Variants in TMPRSS15 observed in about 807,000 individuals in gnomAD.
TMPRSS15 encodes enteropeptidase.
TMPRSS15 carries 128 observed loss-of-function variants against 125.3 expected under a neutral mutation model. The ratio of observed to expected loss-of-function variants is 1.02; its 90% CI spans 0.89 to 1.18. TMPRSS15 has a LOEUF of 1.18. TMPRSS15 is among the 50% of genes most tolerant of loss of function. TMPRSS15 has a pLI of 0.00. For synonymous variants in TMPRSS15, 446 were observed against 423.2 expected (o/e 1.05, Z -0.66); for missense variants, 1,283 against 1,212.7 (o/e 1.06, Z -0.86).
intron 22 of TMPRSS15, among the ~76,000 whole-genome samples, chr21:18,279,388 C>T (rs894480645): frequency 4.7e-5 from 6 of 127,136 alleles, no homozygotes; most frequent in Admixed American, 1.0e-4. Context: ...TGCAGTGGTG[C>T]GATCTCAGCT....
chr21:18,376,161 C>T (rs1244908231), intron 5 of TMPRSS15, among the ~76,000 whole-genome samples: 1 of 151,530 alleles, frequency 6.6e-6, no homozygotes, highest in Admixed American at 6.6e-5. Context: ...ATAGATATCA[C>T]CTTACAGAAA....
chr21:18,400,082 C>G (rs777572333), intron 1 of TMPRSS15, among the ~76,000 whole-genome samples: 9 of 152,028 alleles, frequency 5.9e-5, no homozygotes, highest in South Asian at 2.1e-4. Context: ...TCAGATAACA[C>G]AAACAAATGG....
intron 10 of TMPRSS15, among the ~76,000 whole-genome samples, chr21:18,345,511 G>A (rs1241235505): frequency 1.3e-5 from 2 of 151,450 alleles, no homozygotes; most frequent in Non-Finnish European, 2.9e-5. Flanking sequence ...GGAGGCCGAG[G>A]CGGGCGGATC....
intron 5 of TMPRSS15, among the ~76,000 whole-genome samples, chr21:18,373,263 A>T (rs898196154): frequency 1.3e-5 from 2 of 152,164 alleles, no homozygotes; most frequent in Non-Finnish European, 2.9e-5. Context: ...TTCTTAATTA[A>T]AAACTTTTAT....
intron 1 of TMPRSS15, among the ~76,000 whole-genome samples, chr21:18,410,204 T>G (rs531852104): frequency 6.6e-6 from 1 of 151,890 alleles, no homozygotes; most frequent in South Asian, 2.1e-4. Flanking sequence ...AGCCTTCTTT[T>G]GATGGCCCAT....
At chr21:18,438,118 C>G (rs2076232173) in intron 1 of TMPRSS15, among the ~76,000 whole-genome samples, 1 of 150,880 alleles carries the variant, frequency 6.6e-6, no homozygotes, top group South Asian at 2.1e-4. Context: ...AAATGTGGCA[C>G]ATATACACCA....
intron 1 of TMPRSS15, among the ~76,000 whole-genome samples, chr21:18,437,711 A>C (rs1461499138): frequency 6.6e-6 from 1 of 152,256 alleles, no homozygotes; most frequent in Non-Finnish European, 1.5e-5. Context: ...TGCAGCCAAA[A>C]GACACATGAA....
intron 1 of TMPRSS15, among the ~76,000 whole-genome samples, chr21:18,400,375 G>A (rs1363470055): frequency 6.6e-6 from 1 of 152,108 alleles, no homozygotes; most frequent in Non-Finnish European, 1.5e-5. Context: ...TACAAATACA[G>A]ATACATAGTC....
chr21:18,473,240 C>A (rs1978814462), intron 1 of TMPRSS15, among the ~76,000 whole-genome samples: 1 of 152,008 alleles, frequency 6.6e-6, no homozygotes, highest in Non-Finnish European at 1.5e-5. Flanking sequence ...CAAGGGAGGT[C>A]ATTGGCCAAA....
At chr21:18,306,555 A>T (rs2075041559) in intron 18 of TMPRSS15, among the ~76,000 whole-genome samples, 1 of 152,160 alleles carries the variant, frequency 6.6e-6, no homozygotes, top group Non-Finnish European at 1.5e-5. Flanking sequence ...CTAATATGGG[A>T]TTTAAAAATT....
chr21:18,358,705 A>G (rs911233859), intron 8 of TMPRSS15, among the ~76,000 whole-genome samples: 1 of 152,020 alleles, frequency 6.6e-6, no homozygotes, highest in Non-Finnish European at 1.5e-5. Flanking sequence ...TTAATATATT[A>G]TACCTCATTT....
intron 1 of TMPRSS15, among the ~76,000 whole-genome samples, chr21:18,444,067 C>A (rs1160642531): frequency 3.9e-5 from 6 of 152,064 alleles, no homozygotes; most frequent in South Asian, 4.1e-4. Flanking sequence ...TGGGTGAATC[C>A]ACTCACAGCA....
intron 15 of TMPRSS15, among the ~76,000 whole-genome samples, chr21:18,327,836 C>T (rs1053848484): frequency 1.4e-4 from 22 of 152,006 alleles, no homozygotes; most frequent in Non-Finnish European, 2.5e-4. Context: ...TCAAGAGACA[C>T]CTTTTTCTTA....
chr21:18,357,515 T>TA (rs1235532813), intron 8 of TMPRSS15, among the ~76,000 whole-genome samples: 4 of 151,850 alleles, frequency 2.6e-5, no homozygotes, highest in African/African-American at 9.7e-5. Context: ...TTACCCTAAG[T>TA]AAAAAATTTA....
intron 1 of TMPRSS15, among the ~76,000 whole-genome samples, chr21:18,463,796 C>T (rs1978600131): frequency 6.6e-6 from 1 of 152,132 alleles, no homozygotes; most frequent in South Asian, 2.1e-4. Flanking sequence ...TTAAGAAACT[C>T]ATTCAAAACC....
intron 7 of TMPRSS15, among the ~76,000 whole-genome samples, chr21:18,364,426 C>G: frequency 6.6e-6 from 1 of 152,034 alleles, no homozygotes; most frequent in Non-Finnish European, 1.5e-5. Context: ...TATAAGAAGT[C>G]CTACTTTTAA....
At chr21:18,391,864 C>T (rs373646745) in intron 3 of TMPRSS15, among the ~76,000 whole-genome samples, 11 of 152,360 alleles carry the variant, frequency 7.2e-5, no homozygotes, top group African/African-American at 2.6e-4. Context: ...GGCAGAGGTT[C>T]CCAAACTTTA....
intron 5 of TMPRSS15, among the ~76,000 whole-genome samples, chr21:18,375,333 C>A (rs1441987060): frequency 6.6e-6 from 1 of 152,132 alleles, no homozygotes. Context: ...TTATACCCAG[C>A]CAGATGCCAG....
chr21:18,406,110 G>C (rs868023100), upstream of TMPRSS15, among the ~76,000 whole-genome samples: 2 of 152,106 alleles, frequency 1.3e-5, no homozygotes, highest in Non-Finnish European at 2.9e-5. Flanking sequence ...AGAAGGGCTG[G>C]GAAGTGAAGA....
Sources: gnomAD v4.1 joint callset for allele counts (sites outside exome capture counted in the v4.1 genomes callset) on GRCh38, gnomAD v4.1.1 for gene constraint, MANE v1.5 for transcripts, NCBI Gene and HGNC (gene_info 2026-07-23, HGNC 2026-07-21) for gene names.